CCDC171: variants seen among roughly 807,000 people sequenced by gnomAD.
The protein encoded by CCDC171 is coiled-coil domain-containing protein 171.
In CCDC171, 177 loss-of-function variants were observed where a neutral mutation model predicts 168.2. The observed-to-expected ratio is 1.05, with a 90% CI of 0.93 to 1.19. The LOEUF is 1.19. CCDC171 is among the 50% of genes most tolerant of loss of function. The probability of loss-of-function intolerance (pLI) is 0.00; values close to 1 mark genes in which losing one functional copy is unlikely to be tolerated. For synonymous variants in CCDC171, 687 were observed against 540.8 expected (o/e 1.27, Z -3.75); for missense variants, 1,991 against 1,539.0 (o/e 1.29, Z -4.91).
At chr9:16,006,733 C>T (rs1341418739) in intron 3 of CCDC171, among the ~76,000 whole-genome samples, 3 of 152,280 alleles carry the variant, frequency 2.0e-5, no homozygotes, top group African/African-American at 2.4e-5. Flanking sequence ...TTTCCAGCTT[C>T]ATCCATGTCC....
chr9:15,746,077 A>G (rs1013543664), intron 18 of CCDC171, among the ~76,000 whole-genome samples: 14 of 152,194 alleles, frequency 9.2e-5, no homozygotes, highest in Non-Finnish European at 7.4e-5. Context: ...AGATGGAATT[A>G]ATTTGGATAG....
chr9:15,990,397 G>C (rs538234252), intron 3 of CCDC171, among the ~76,000 whole-genome samples: 74 of 152,260 alleles, frequency 4.9e-4, no homozygotes, highest in African/African-American at 1.7e-3. Context: ...TCACCATCAA[G>C]CCTGCCTTAC....
Position 15,623,464 on chromosome 9 carries a change from TGC to T in CCDC171, c.822+62_822+63del, listed in dbSNP as rs563722301. On this transcript the variant is annotated intron_variant, in intron 7 of 25. Transcript: ENST00000380701. ...ATATATGCGTACAAACTTTCACATATGCGCGCGCGCGCACACACACACACACA... is the reference window on the plus strand; with the variant it reads ...ATATATGCGTACAAACTTTCACATATGCGCGCGCGCACACACACACACACA... The T allele has an allele frequency of 1.4e-4, 109 of 767,170 alleles. 1 individual carries two copies. The highest frequency in any genetic ancestry group is 6.4e-4 in the South Asian group (36 of 56,388). 47.5% of individuals were successfully genotyped at this position (767,170 alleles called of 1,614,324 possible). A position where few individuals can be genotyped will look rare whatever the true frequency, so the allele number is the denominator to read the frequency against.
chr9:15,676,957 A>G (rs542735472), intron 9 of CCDC171, among the ~76,000 whole-genome samples: 1 of 152,308 alleles, frequency 6.6e-6, no homozygotes, highest in South Asian at 2.1e-4. Context: ...ATAAAATAAT[A>G]ATACGTGTGT....
intron 18 of CCDC171, among the ~76,000 whole-genome samples, chr9:15,750,024 G>A (rs954476756): frequency 3.3e-4 from 47 of 141,810 alleles, no homozygotes; most frequent in African/African-American, 1.2e-3. Flanking sequence ...AAAAAAATCA[G>A]TGAATCCAGG....
downstream of CCDC171, among the ~76,000 whole-genome samples, chr9:16,066,624 A>G (rs1833994120): frequency 2.2e-5 from 2 of 91,490 alleles, no homozygotes; most frequent in East Asian, 7.7e-4. Context: ...CCCCCACCCC[A>G]CAACAGTCCC....
intron 21 of CCDC171, among the ~76,000 whole-genome samples, chr9:15,839,177 G>C (rs2060572511): frequency 6.6e-6 from 1 of 152,102 alleles, no homozygotes; most frequent in Non-Finnish European, 1.5e-5. Flanking sequence ...ATCTTGAGTT[G>C]TACATTCTTC....
intron 6 of CCDC171, among the ~76,000 whole-genome samples, chr9:16,026,977 C>G (rs1013092942): frequency 7.2e-5 from 11 of 152,172 alleles, no homozygotes; most frequent in Admixed American, 6.5e-5. Context: ...TCATCTGTTT[C>G]CAACCTAGAA....
At chr9:15,734,598 A>T (rs984034276) in intron 16 of CCDC171, among the ~76,000 whole-genome samples, 2 of 152,178 alleles carry the variant, frequency 1.3e-5, no homozygotes, top group Admixed American at 6.5e-5. Flanking sequence ...TTATTTATGT[A>T]CATATTTGCT....
intron 1 of CCDC171, among the ~76,000 whole-genome samples, chr9:15,561,670 C>T (rs116137049): frequency 3.3e-5 from 5 of 152,106 alleles, no homozygotes; most frequent in Non-Finnish European, 5.9e-5. Context: ...CTCTGCCATG[C>T]TCGATTGCAT....
At chr9:15,619,980 T>C (rs961486361) in intron 6 of CCDC171, among the ~76,000 whole-genome samples, 7 of 152,224 alleles carry the variant, frequency 4.6e-5, no homozygotes, top group Admixed American at 3.9e-4. Context: ...CTCATCTCTT[T>C]ACAGAATATT....
At chr9:15,709,963 C>A (rs192608882) in intron 11 of CCDC171, among the ~76,000 whole-genome samples, 1 of 152,204 alleles carries the variant, frequency 6.6e-6, no homozygotes, top group Non-Finnish European at 1.5e-5. Context: ...TCATCTACTT[C>A]CCCTCTGCTG....
rs373132680 is a variant in CCDC171 at position 15,779,040 on chromosome 9, C to T, written c.2971C>T (p.Arg991Cys). 6.9e-6 allele frequency: 11 copies of T among 1,601,974 alleles called. No individual in the cohort carries two copies. The highest frequency in any genetic ancestry group is 4.5e-5 in the East Asian group (2 of 44,452). ...ACTGCATGCTGCAGAAGTGGAGCGC[C>T]GCTCACTACGCTTAGAGGTCACAGA... ...QRLHAAEVERRSLRLEVTEFK... is the reference protein window; with the variant it reads ...QRLHAAEVERCSLRLEVTEFK... Residue 991 changes from arginine (R) to cysteine (C), a missense_variant, in exon 20 of 26, where the codon CGC (arginine) becomes TGC (cysteine). Arg to Cys is a radical substitution (Grantham distance 180). Coordinates refer to ENST00000380701, the MANE Select transcript of CCDC171 (RefSeq NM_173550.4).
In CCDC171 at chr9:15,564,059, C is replaced by A. The variant is rs772037152; in HGVS notation, c.-30C>A. 2 of 1,550,938 alleles carry A rather than the reference C, an allele frequency of 1.3e-6. No individual in the cohort carries two copies. The highest frequency in any genetic ancestry group is 1.8e-6 in the Non-Finnish European group (2 of 1,128,746). On this transcript the variant is annotated 5_prime_UTR_variant, in exon 2 of 26. Transcript: ENST00000380701. ...AAAGAAATATGTCATTAAGAAATAG[C>A]AGGGTATTTTGAAAGAGTTGGAAAA... is the stretch of plus-strand genomic sequence containing the variant.
At chr9:15,653,075 T>C (rs564601112) in intron 7 of CCDC171, among the ~76,000 whole-genome samples, 92 of 152,326 alleles carry the variant, frequency 6.0e-4, no homozygotes, top group African/African-American at 2.2e-3. Context: ...CCATTTACTT[T>C]TTCTGTTTAG....
rs574283926 is a variant in CCDC171, at chr9:15,987,444, C to A, written n.369-33145C>A. Among the ~76,000 whole-genome samples the A allele has an allele frequency of 1.2e-4, 18 of 150,740 alleles. No individual in the cohort carries two copies. The South Asian group carries it at 3.0e-3, about 25-fold the overall frequency. Reference sequence around the variant, plus strand: ...AATAAAAGTTGGAAAGAAAAAGCAACAATATTGTAACAAATGTAAAAAAAA... The same window carrying A: ...AATAAAAGTTGGAAAGAAAAAGCAAAAATATTGTAACAAATGTAAAAAAAA... On this transcript the variant is annotated intron_variant and non_coding_transcript_variant, in intron 3 of 9. Coordinates refer to the CCDC171 transcript ENST00000486641.
Position 15,876,725 on chromosome 9 carries a change from A to G in CCDC171, c.3600+2062A>G, listed in dbSNP as rs145802133. Among the ~76,000 whole-genome samples, 122 of 152,242 alleles carry G rather than the reference A, an allele frequency of 8.0e-4. 4 individuals carry two copies. Among genetic ancestry groups the G allele is most frequent in the African/African-American group, 2.8e-3 (117 of 41,558 alleles). ...AGACTAATTATGGGCTAATAGTATG[A>G]AACTCTAATTTCACCTTTTTTTTTG... On this transcript the variant is annotated intron_variant, in intron 24 of 25. Transcript: ENST00000380701.
chr9:15,863,457 T>C (rs1423177701), intron 23 of CCDC171, among the ~76,000 whole-genome samples: 2 of 152,022 alleles, frequency 1.3e-5, no homozygotes, highest in African/African-American at 4.8e-5. Context: ...TCTCCTTCGT[T>C]TTTAAGGACA....
intron 3 of CCDC171, among the ~76,000 whole-genome samples, chr9:15,572,267 G>C (rs1289582873): frequency 6.6e-6 from 1 of 152,062 alleles, no homozygotes; most frequent in East Asian, 1.9e-4. Flanking sequence ...TCCCTTCTAA[G>C]ATAATTCATG....
Sources: allele counts gnomAD v4.1 joint callset (sites outside exome capture counted in the v4.1 genomes callset), GRCh38; gene constraint gnomAD v4.1.1; transcripts MANE v1.5; gene names NCBI Gene and HGNC (gene_info 2026-07-23, HGNC 2026-07-21).